Variants in PUS7 observed in about 807,000 individuals in gnomAD.
PUS7 encodes the protein pseudouridylate synthase 7 homolog.
A neutral mutation model predicts 79.8 loss-of-function variants in PUS7; 48 were observed. The ratio of observed to expected loss-of-function variants is 0.60; its 90% CI spans 0.48 to 0.76. PUS7 has a LOEUF of 0.76. PUS7 is among the 30% of genes least tolerant of loss of function. The probability of loss-of-function intolerance (pLI) is 0.00; values close to 1 mark genes in which losing one functional copy is unlikely to be tolerated. For synonymous variants in PUS7, 286 were observed against 272.2 expected (o/e 1.05, Z -0.50); for missense variants, 729 against 797.6 (o/e 0.91, Z 1.04).
At chr7:105,494,727 C>T (rs1395139260) in intron 6 of PUS7, among the ~76,000 whole-genome samples, 2 of 151,872 alleles carry the variant, frequency 1.3e-5, no homozygotes, top group East Asian at 3.9e-4. Context: ...TTCTTAATCC[C>T]AGTACTTTGG....
chr7:105,477,094 A>G (rs189524009), intron 9 of PUS7, among the ~76,000 whole-genome samples: 1 of 152,024 alleles, frequency 6.6e-6, no homozygotes, highest in African/African-American at 2.4e-5. Context: ...CAACTTATCT[A>G]TTTTTTCTTT....
intron 13 of PUS7, among the ~76,000 whole-genome samples, chr7:105,463,304 T>G (rs1563352187): frequency 6.6e-6 from 1 of 152,224 alleles, no homozygotes; most frequent in Non-Finnish European, 1.5e-5. Flanking sequence ...GTTCTTCCTA[T>G]TCCAAGCTGA....
At chr7:105,492,500 ATTTTTTT>A (rs1159017117) in intron 6 of PUS7, among the ~76,000 whole-genome samples, 6 of 87,324 alleles carry the variant, frequency 6.9e-5, no homozygotes, top group African/African-American at 1.5e-4. Flanking sequence ...GATTTTTTGT[ATTTTTTT>A]TTTTTTTTTT....
intron 5 of PUS7, among the ~76,000 whole-genome samples, chr7:105,500,199 C>T (rs1247574658): frequency 6.6e-6 from 1 of 152,096 alleles, no homozygotes; most frequent in Admixed American, 6.5e-5. Context: ...GTGAGAAATT[C>T]CTTTCTTACT....
intron 9 of PUS7, among the ~76,000 whole-genome samples, chr7:105,478,658 C>T (rs1006682140): frequency 2.6e-5 from 4 of 152,298 alleles, no homozygotes; most frequent in African/African-American, 9.6e-5. Context: ...AATGCGTTGT[C>T]TTTCTGTTCT....
Position 105,468,470 on chromosome 7 carries a change from G to T in PUS7, c.1399-7C>A, listed in dbSNP as rs754355526. 1.9e-5 allele frequency: 30 copies of T among 1,577,062 alleles called. No homozygotes were observed. Among genetic ancestry groups the T allele is most frequent in the Non-Finnish European group, 2.3e-5 (27 of 1,165,296 alleles). ...AGCGATTATTTCTGGGTATCTGGAGGGAAGGAAAAAAATAGGCAAGAAAAC... is the reference window on the plus strand; with the variant it reads ...AGCGATTATTTCTGGGTATCTGGAGTGAAGGAAAAAAATAGGCAAGAAAAC... On this transcript the variant is annotated splice_polypyrimidine_tract_variant and splice_region_variant and intron_variant, in intron 11 of 15. Coordinates refer to ENST00000469408, the MANE Select transcript of PUS7 (RefSeq NM_019042.5).
At chr7:105,499,441 CT>C (rs932304170) in intron 5 of PUS7, among the ~76,000 whole-genome samples, 6 of 152,034 alleles carry the variant, frequency 3.9e-5, no homozygotes, top group Non-Finnish European at 5.9e-5. Flanking sequence ...GCAGAATTTT[CT>C]TTTTTTTACA....
chr7:105,465,570 C>T (rs1321715606), intron 12 of PUS7, among the ~76,000 whole-genome samples, 156 bp from the exon 13 acceptor site: 2 of 152,196 alleles, frequency 1.3e-5, no homozygotes, highest in African/African-American at 4.8e-5. Context: ...CGGTGGCTCA[C>T]ACCTATAATC....
intron 5 of PUS7, 174 bp from the exon 6 acceptor site, chr7:105,495,427 C>G (rs751151920): frequency 2.0e-6 from 1 of 496,288 alleles, no homozygotes; most frequent in Non-Finnish European, 3.6e-6. Context: ...TGTAATTGGA[C>G]ACTTAACATT....
chr7:105,479,299 T>C (rs1246582631), intron 9 of PUS7, among the ~76,000 whole-genome samples: 2 of 152,268 alleles, frequency 1.3e-5, no homozygotes, highest in Admixed American at 6.5e-5. Context: ...GCTTTTAAAA[T>C]CACAAAAATG....
rs756519297 is a variant in PUS7, at chr7:105,494,402, ATTTTTTTTTTTTTTT to A, written c.842+725_842+739del. Among the ~76,000 whole-genome samples the A allele has an allele frequency of 4.6e-3, 408 of 87,812 alleles. 1 individual carries two copies. The highest frequency in any genetic ancestry group is 7.7e-3 in the Middle Eastern group (1 of 130). 57.6% of individuals were successfully genotyped at this position (87,812 alleles called of 152,430 possible). On this transcript the variant is annotated intron_variant, in intron 6 of 15. Transcript: ENST00000469408. ...ATGCACTTCCTATCCATGATCAGTG[ATTTTTTTTTTTTTTT>A]TTTTTTTTTTTGAGATGGAGTCTTG...
chr7:105,488,247 C>T (rs1293396091), intron 7 of PUS7, among the ~76,000 whole-genome samples: 1 of 152,084 alleles, frequency 6.6e-6, no homozygotes, highest in African/African-American at 2.4e-5. Context: ...TCAGAAAACG[C>T]AAAATAAAAT....
At chr7:105,485,733 G>A (rs1271789220) in intron 7 of PUS7, among the ~76,000 whole-genome samples, 2 of 152,214 alleles carry the variant, frequency 1.3e-5, no homozygotes, top group Non-Finnish European at 2.9e-5. Context: ...ATCCTTGGAT[G>A]TATCTGGGTC....
intron 9 of PUS7, among the ~76,000 whole-genome samples, chr7:105,477,686 A>AT (rs1203475348): frequency 6.6e-6 from 1 of 151,916 alleles, no homozygotes; most frequent in Non-Finnish European, 1.5e-5. Flanking sequence ...ATTTTACAAC[A>AT]TTTTTATTAC....
At position 105,457,573 on chromosome 7, in the gene PUS7, A is replaced by AAAT; in HGVS notation, c.*216_*217insATT. The AAAT allele has an allele frequency of 2.7e-6, 1 of 372,698 alleles. No homozygotes were observed. Among genetic ancestry groups the AAAT allele is most frequent in the Non-Finnish European group, 4.7e-6 (1 of 211,792 alleles). The allele number at this position is 372,698 out of a possible 1,614,324, so 23.1% of individuals were successfully genotyped here. On this transcript the variant is annotated 3_prime_UTR_variant, in exon 16 of 16. Coordinates refer to ENST00000469408, the MANE Select transcript of PUS7 (RefSeq NM_019042.5). ...TAAGCACCTGAAGTGTATTTTGACT[A>AAAT]ATTTATATTCTGAGCTAAAATTAAG...
chr7:105,492,569 G>C (rs1161384855), intron 6 of PUS7, among the ~76,000 whole-genome samples: 1 of 142,824 alleles, frequency 7.0e-6, no homozygotes, highest in South Asian at 2.3e-4. Flanking sequence ...GCAGTGGCGG[G>C]ATCTCGGCTC....
intron 14 of PUS7, among the ~76,000 whole-genome samples, chr7:105,461,870 G>C (rs965293723): frequency 1.6e-4 from 24 of 152,226 alleles, no homozygotes; most frequent in African/African-American, 5.5e-4. Context: ...TTAAGTACTT[G>C]TGCATCTAAA....
At chr7:105,460,507 AG>A (rs1174654141) in intron 14 of PUS7, among the ~76,000 whole-genome samples, 1 of 152,208 alleles carries the variant, frequency 6.6e-6, no homozygotes, top group Admixed American at 6.5e-5. Context: ...CAACTAGTTC[AG>A]GATTTCATTT....
At chr7:105,470,649 C>T (rs760622840) in intron 11 of PUS7, 39 bp downstream of exon 11, 16 of 1,501,560 alleles carry the variant, frequency 1.1e-5, no homozygotes, top group Admixed American at 4.5e-5. Context: ...AGCATTAAAA[C>T]GCCTTGAGCC....
Sources: allele counts gnomAD v4.1 joint callset (sites outside exome capture counted in the v4.1 genomes callset), GRCh38; gene constraint gnomAD v4.1.1; transcripts MANE v1.5; gene names NCBI Gene and HGNC (gene_info 2026-07-23, HGNC 2026-07-21).